PDE1C: variants seen among roughly 807,000 people sequenced by gnomAD.
PDE1C encodes dual specificity calcium/calmodulin-dependent 3',5'-cyclic nucleotide phosphodiesterase 1C.
PDE1C carries 62 observed loss-of-function variants against 93.1 expected under a neutral mutation model. The observed-to-expected ratio is 0.67, with a 90% confidence interval of 0.54 to 0.82. The LOEUF is 0.82. Among genes scored for constraint, PDE1C ranks in the 40% least tolerant of loss-of-function variants. The pLI, the probability that PDE1C is intolerant of heterozygous loss-of-function variation, is 0.00. For missense variants in PDE1C, 742 were observed against 884.6 expected (o/e 0.84, Z 2.04); for synonymous variants, 325 against 310.1 (o/e 1.05, Z -0.50).
chr7:31,952,180 T>C (rs1807459941), intron 2 of PDE1C, among the ~76,000 whole-genome samples: 1 of 152,132 alleles, frequency 6.6e-6, no homozygotes, highest in Admixed American at 6.6e-5. Flanking sequence ...TCTAATAGTC[T>C]ATTCCCACTT....
At chr7:31,655,209 C>T in the PDE1C span, among the ~76,000 whole-genome samples, 25,107 of 152,152 alleles carry the variant, frequency 0.17, 2,565 homozygotes, top group Non-Finnish European at 0.21. Context: ...AGTTCATCTT[C>T]CTGATCCTCT....
At chr7:32,278,937 G>A (rs1811456295) in intron 1 of PDE1C, among the ~76,000 whole-genome samples, 1 of 152,214 alleles carries the variant, frequency 6.6e-6, no homozygotes, top group Non-Finnish European at 1.5e-5. Flanking sequence ...ATTCTTTGGG[G>A]AGTGAGAGAA....
At chr7:31,645,338 TTAAA>T in the PDE1C span, among the ~76,000 whole-genome samples, 3 of 152,322 alleles carry the variant, frequency 2.0e-5, no homozygotes, top group Admixed American at 2.0e-4. Flanking sequence ...ACAGGAAAGT[TTAAA>T]TAATTTATCA....
chr7:32,286,889 C>T (rs1812036964), intron 1 of PDE1C, among the ~76,000 whole-genome samples: 1 of 152,098 alleles, frequency 6.6e-6, no homozygotes, highest in African/African-American at 2.4e-5. Flanking sequence ...ATAATGCTAT[C>T]TTCATTTTGT....
the PDE1C span, among the ~76,000 whole-genome samples, chr7:31,630,352 C>A: frequency 6.6e-6 from 1 of 151,670 alleles, no homozygotes; most frequent in Non-Finnish European, 1.5e-5. Flanking sequence ...TTAATCCTCA[C>A]TTAAGTCTCT....
intron 3 of PDE1C, among the ~76,000 whole-genome samples, chr7:32,133,887 T>A (rs1302253114): frequency 6.6e-6 from 1 of 151,990 alleles, no homozygotes; most frequent in Non-Finnish European, 1.5e-5. Flanking sequence ...AAGGAAAACA[T>A]GCTCACAATG....
the PDE1C span, among the ~76,000 whole-genome samples, chr7:31,668,307 C>T: frequency 6.6e-6 from 1 of 152,056 alleles, no homozygotes; most frequent in East Asian, 1.9e-4. Context: ...CCATTTGACC[C>T]AGCAATTCCA....
intron 2 of PDE1C, among the ~76,000 whole-genome samples, chr7:32,207,423 C>CCT (rs1165670387): frequency 1.3e-5 from 2 of 151,922 alleles, no homozygotes; most frequent in East Asian, 3.9e-4. Flanking sequence ...TTCATTCACA[C>CCT]CACACAATGA....
At chr7:31,992,055 C>G (rs185187951) in intron 2 of PDE1C, among the ~76,000 whole-genome samples, 98 of 152,282 alleles carry the variant, frequency 6.4e-4, no homozygotes, top group Admixed American at 1.4e-3. Context: ...ATCAGCATGG[C>G]CTGAAAAAGG....
At chr7:32,116,181 T>G (rs930712117) in intron 3 of PDE1C, among the ~76,000 whole-genome samples, 1 of 152,230 alleles carries the variant, frequency 6.6e-6, no homozygotes, top group African/African-American at 2.4e-5. Context: ...CTTTGAAACT[T>G]CATGTGATGA....
intron 1 of PDE1C, chr7:32,052,267 G>C (rs1012084719): frequency 2.1e-6 from 1 of 473,372 alleles, no homozygotes. Flanking sequence ...GCCCACGTCT[G>C]TTATTTACAG....
intron 1 of PDE1C, among the ~76,000 whole-genome samples, chr7:32,396,194 T>C (rs943778589): frequency 2.0e-5 from 3 of 152,134 alleles, no homozygotes; most frequent in African/African-American, 7.2e-5. Flanking sequence ...AAAATGGATA[T>C]GTAGCCAGGT....
intron 2 of PDE1C, among the ~76,000 whole-genome samples, chr7:31,937,020 C>T (rs1034598903): frequency 6.6e-6 from 1 of 152,080 alleles, no homozygotes; most frequent in Non-Finnish European, 1.5e-5. Flanking sequence ...GCTTCCAGGT[C>T]ATAGGTAAAT....
At chr7:32,006,823 C>G (rs1246358885) in intron 2 of PDE1C, among the ~76,000 whole-genome samples, 3 of 152,146 alleles carry the variant, frequency 2.0e-5, no homozygotes, top group African/African-American at 7.2e-5. Flanking sequence ...AAGAAGAGTG[C>G]CATGATGCAA....
At chr7:31,842,172 C>T (rs13311548) in intron 9 of PDE1C, among the ~76,000 whole-genome samples, 18,995 of 152,074 alleles carry the variant, frequency 0.12, 1,564 homozygotes, top group Middle Eastern at 0.2. Flanking sequence ...TGATATATTA[C>T]CTTTTTAGTA....
intron 1 of PDE1C, among the ~76,000 whole-genome samples, chr7:32,271,311 C>G (rs1810945975): frequency 6.6e-6 from 1 of 152,178 alleles, no homozygotes. Flanking sequence ...TGTTTTTTAA[C>G]TTCAGCACAT....
At chr7:31,706,256 T>C in the PDE1C span, among the ~76,000 whole-genome samples, 6,762 of 151,860 alleles carry the variant, frequency 0.045, 537 homozygotes, top group African/African-American at 0.15. Flanking sequence ...CCACCCACCT[T>C]GGCCTCTCAA....
rs184567541 is a variant in PDE1C, at chr7:32,285,271, G to A, written c.85+13380C>T. 4.6e-5 allele frequency among the ~76,000 whole-genome samples: 7 copies of A among 152,174 alleles called. No individual in the cohort carries two copies. The East Asian group carries it at 1.2e-3, about 25-fold the overall frequency. ...ATCACTGGTGGAATCATAAAATGGC[G>A]CAGACACTTTGGAAAAGTTTGGCAG... On this transcript the variant is annotated intron_variant, in intron 1 of 18. Coordinates refer to the PDE1C transcript ENST00000396193.
At chr7:32,136,354 A>T (rs56396639) in intron 3 of PDE1C, among the ~76,000 whole-genome samples, 69,597 of 135,244 alleles carry the variant, frequency 0.51, 17,160 homozygotes, top group Middle Eastern at 0.6. Flanking sequence ...TTATTTATTT[A>T]TTTTTGAGAC....
Sources: gnomAD v4.1 joint callset for allele counts (sites outside exome capture counted in the v4.1 genomes callset) on GRCh38, gnomAD v4.1.1 for gene constraint, MANE v1.5 for transcripts, NCBI Gene and HGNC (gene_info 2026-07-23, HGNC 2026-07-21) for gene names.